The following MTUS1 variants were observed in gnomAD, a reference collection of about 807,000 sequenced individuals.
The protein encoded by MTUS1 is microtubule associated scaffold protein 1, also known as microtubule-associated tumor suppressor 1.
MTUS1 carries 109 observed loss-of-function variants against 120.8 expected under a neutral mutation model. That is an observed-to-expected ratio of 0.90 (90% CI 0.77 to 1.06). The LOEUF is 1.06. MTUS1 is among the 50% of genes least tolerant of loss of function. The pLI, the probability that MTUS1 is intolerant of heterozygous loss-of-function variation, is 0.00. For synonymous variants in MTUS1, 737 were observed against 550.5 expected, an observed-to-expected ratio of 1.34 and a Z score of -4.74; for missense variants, 2,210 against 1,486.3, an observed-to-expected ratio of 1.49 and a Z score of -8.01.
chr8:17,724,543 A>T (rs1294011991), intron 3 of MTUS1, among the ~76,000 whole-genome samples: 2 of 152,078 alleles, frequency 1.3e-5, no homozygotes, highest in African/African-American at 2.4e-5. Context: ...TTTATTTGCC[A>T]AACTTAAATG....
chr8:17,677,042 C>T (rs1173562664), intron 7 of MTUS1, among the ~76,000 whole-genome samples: 1 of 152,156 alleles, frequency 6.6e-6, no homozygotes, highest in Non-Finnish European at 1.5e-5. Flanking sequence ...CCACTTTTCA[C>T]TGAGTACCTT....
chr8:17,762,417 T>C (rs2049115715), intron 1 of MTUS1, among the ~76,000 whole-genome samples: 1 of 152,238 alleles, frequency 6.6e-6, no homozygotes, highest in Non-Finnish European at 1.5e-5. Flanking sequence ...ACTCTAAGCC[T>C]CAACTTCCTA....
In MTUS1 at chr8:17,727,182, G is replaced by C. The variant is rs142677082; in HGVS notation, c.2288-3349C>G. 8.8e-3 allele frequency among the ~76,000 whole-genome samples: 1,341 copies of C among 152,270 alleles called. 17 individuals carry two copies. The highest frequency in any genetic ancestry group is 0.031 in the African/African-American group (1,294 of 41,542). ...ATGGCTCTTGACTAATGAGCAATGA[G>C]GATAATGAATGCCGATTTCACCAAA... On this transcript the variant is annotated intron_variant, in intron 3 of 14. Coordinates refer to ENST00000693296, the MANE Select transcript of MTUS1 (RefSeq NM_001363059.2).
At chr8:17,678,435 A>G (rs200413010) in intron 7 of MTUS1, among the ~76,000 whole-genome samples, 2 of 143,470 alleles carry the variant, frequency 1.4e-5, no homozygotes, top group Admixed American at 1.4e-4. Context: ...TGAAATGCTC[A>G]AGAAAAAAAA....
At chr8:17,659,620 C>T (rs1407252087) in intron 8 of MTUS1, among the ~76,000 whole-genome samples, 1 of 152,150 alleles carries the variant, frequency 6.6e-6, no homozygotes, top group Non-Finnish European at 1.5e-5. Flanking sequence ...ATCGCTTGAA[C>T]CCGGGAGGCA....
intron 1 of MTUS1, among the ~76,000 whole-genome samples, chr8:17,763,860 G>A (rs917181175): frequency 6.6e-6 from 1 of 152,172 alleles, no homozygotes; most frequent in Non-Finnish European, 1.5e-5. Flanking sequence ...TCTGGGCCTG[G>A]ACCATAGAAC....
chr8:17,736,916 G>A (rs892457083), intron 3 of MTUS1, among the ~76,000 whole-genome samples: 4 of 151,918 alleles, frequency 2.6e-5, no homozygotes, highest in African/African-American at 9.7e-5. Flanking sequence ...TCATCATCAT[G>A]AATCCAAAAA....
At position 17,692,381 on chromosome 8, in the gene MTUS1, T is replaced by A. The variant is rs147807074; in HGVS notation, c.2624-7839A>T. Among the ~76,000 whole-genome samples, 920 of 152,046 alleles carry A rather than the reference T, an allele frequency of 6.1e-3. 6 individuals carry two copies. Among genetic ancestry groups the A allele is most frequent in the South Asian group, 0.03 (145 of 4,792 alleles). ...CTGTGAGATCATGAGGCAACAATCA[T>A]GAGGACACGGCTAAGAAGACAGCAG... On this transcript the variant is annotated intron_variant, in intron 6 of 14. Transcript: ENST00000693296.
intron 3 of MTUS1, among the ~76,000 whole-genome samples, chr8:17,733,195 A>G (rs755012907): frequency 2.0e-5 from 3 of 152,112 alleles, no homozygotes; most frequent in Non-Finnish European, 4.4e-5. Context: ...TACTAAGAAT[A>G]CAAAAACTAG....
chr8:17,797,231 G>A lies in MTUS1; in HGVS notation c.-155+3830C>T, dbSNP rs187165927. 4.0e-4 allele frequency among the ~76,000 whole-genome samples: 60 copies of A among 151,506 alleles called. 1 individual carries two copies. The highest frequency in any genetic ancestry group is 2.0e-3 in the Admixed American group (31 of 15,168). ...AGTTCAAATCCAGCCTGGGCAACATGGCAAAACCTTGTCTCTACAAAAAAT... is the reference window on the plus strand; with the variant it reads ...AGTTCAAATCCAGCCTGGGCAACATAGCAAAACCTTGTCTCTACAAAAAAT... On this transcript the variant is annotated intron_variant, in intron 1 of 14. Coordinates refer to ENST00000693296, the MANE Select transcript of MTUS1 (RefSeq NM_001363059.2).
chr8:17,695,318 C>A (rs767243706), intron 6 of MTUS1, among the ~76,000 whole-genome samples: 3 of 152,152 alleles, frequency 2.0e-5, no homozygotes, highest in Non-Finnish European at 4.4e-5. Flanking sequence ...AAAATATGTA[C>A]GCCAAAAATT....
chr8:17,786,601 C>A (rs1325111043), intron 1 of MTUS1, among the ~76,000 whole-genome samples: 1 of 152,132 alleles, frequency 6.6e-6, no homozygotes, highest in Non-Finnish European at 1.5e-5. Flanking sequence ...ATGTTCTCTA[C>A]AAGTGAGGTG....
intron 6 of MTUS1, among the ~76,000 whole-genome samples, chr8:17,687,438 C>T (rs752721749): frequency 6.6e-6 from 1 of 152,164 alleles, no homozygotes. Flanking sequence ...GGATTCATTA[C>T]TAACGTGAAA....
intron 1 of MTUS1, among the ~76,000 whole-genome samples, chr8:17,787,774 T>C (rs2051426933): frequency 6.6e-6 from 1 of 152,244 alleles, no homozygotes; most frequent in South Asian, 2.1e-4. Context: ...ACAAGCCTTA[T>C]TATCATCCTC....
At chr8:17,739,941 C>T (rs1449135681) in intron 3 of MTUS1, among the ~76,000 whole-genome samples, 1 of 152,060 alleles carries the variant, frequency 6.6e-6, no homozygotes, top group Non-Finnish European at 1.5e-5. Flanking sequence ...CACATTTTGA[C>T]AAGTAAAATG....
chr8:17,684,629 G>T, intron 6 of MTUS1, 87 bp from the exon 7 acceptor site: 1 of 1,034,946 alleles, frequency 9.7e-7, no homozygotes, highest in Non-Finnish European at 1.5e-6. Flanking sequence ...AACCAGATAA[G>T]CCACAGAAAT....
At chr8:17,745,104 G>A (rs2047643633) in intron 2 of MTUS1, among the ~76,000 whole-genome samples, 1 of 152,058 alleles carries the variant, frequency 6.6e-6, no homozygotes, top group African/African-American at 2.4e-5. Flanking sequence ...TTTAGAGTTT[G>A]GCTTTTTTCA....
Position 17,754,397 on chromosome 8 carries a change from G to C in MTUS1, c.1411C>G (p.Pro471Ala). 6.2e-7 allele frequency: 1 copy of C among 1,614,074 alleles called. No homozygotes were observed. Among genetic ancestry groups the C allele is most frequent in the Non-Finnish European group, 8.5e-7 (1 of 1,180,002 alleles). The change falls in exon 2 of 15, where the codon CCT (proline) becomes GCT (alanine). Residue 471 changes from proline to alanine, a missense_variant. Physicochemically the swap from Pro to Ala is conservative, Grantham distance 27. Transcript: ENST00000693296. ...AAACTGGGTTTACACAGGTTCACAG[G>C]TGCCTCCTTCGAGTCTGGTATGTTT... is the stretch of plus-strand genomic sequence containing the variant. ...LKNIPDSKEA[P>A]VNLCKPSLGK...
intron 7 of MTUS1, chr8:17,676,619 T>C (rs906928162): frequency 1.0e-5 from 4 of 400,936 alleles, no homozygotes; most frequent in African/African-American, 4.1e-5. Context: ...GACTGATCGA[T>C]TGCCATTTAG....
Sources: allele counts gnomAD v4.1 joint callset (sites outside exome capture counted in the v4.1 genomes callset), GRCh38; gene constraint gnomAD v4.1.1; transcripts MANE v1.5; gene names NCBI Gene and HGNC (gene_info 2026-07-23, HGNC 2026-07-21).